Variants in GPER1 observed in about 807,000 individuals in gnomAD.
GPER1 encodes the protein G protein-coupled receptor 30.
In GPER1, 2 loss-of-function variants were observed where a neutral mutation model predicts 0.6. The observed-to-expected ratio is 3.41, with a 90% CI of 1.39 to 10.72. The LOEUF is 10.72. GPER1 is among the 30% of genes most tolerant of loss of function. The pLI is 0.04. For missense variants in GPER1, 441 were observed against 535.2 expected, an observed-to-expected ratio of 0.82 and a Z score of 1.74; for synonymous variants, 263 against 247.6, an observed-to-expected ratio of 1.06 and a Z score of -0.58.
Position 1,091,634 on chromosome 7 carries a change from G to A in GPER1, c.-95G>A. On this transcript the variant is annotated 5_prime_UTR_variant, in exon 2 of 2. Coordinates refer to ENST00000397088, the MANE Select transcript of GPER1 (RefSeq NM_001098201.3). ...CTGACAAATGCCAGGCTCACTTCAA[G>A]GAGAATCACGCTTCTTTCTAAAGAT... 1.0e-6 allele frequency: 1 copy of A among 970,430 alleles called. No homozygotes were observed. The allele number at this position is 970,430 out of a possible 1,614,324, so 60.1% of individuals were successfully genotyped here.
At position 1,092,468 on chromosome 7, in the gene GPER1, ACCG is replaced by A. The variant is rs1788099447; in HGVS notation, c.741_743del (p.Arg248del). 16 of 1,608,026 alleles carry A rather than the reference ACCG, an allele frequency of 1.0e-5. No homozygotes were observed. Among genetic ancestry groups the A allele is most frequent in the Non-Finnish European group, 1.4e-5 (16 of 1,179,522 alleles). On this transcript the variant is annotated inframe_deletion, in exon 2 of 2. Coordinates refer to ENST00000397088, the MANE Select transcript of GPER1 (RefSeq NM_001098201.3). ...CGGGTGCTGGTCAGGGCGCACCGGC[ACCG>A]TGGGCTGCGGCCCCGGCGGCAGAAG...
Position 1,092,373 on chromosome 7 carries a change from G to C in GPER1, c.645G>C (p.Gln215His). ...GTTTCGCGGATGTCCGGGAGGTGCA[G>C]TGGCTCGAGGTCACGCTGGGCTTCA... is the stretch of plus-strand genomic sequence containing the variant. Reference protein sequence around the residue: ...CFCFADVREVQWLEVTLGFIV... With the variant: ...CFCFADVREVHWLEVTLGFIV... The change falls in exon 2 of 2, where the codon CAG becomes CAC. Residue 215 changes from glutamine (Q) to histidine (H), a missense_variant. Physicochemically the swap from Gln to His is conservative, Grantham distance 24. Transcript: ENST00000397088. 2.5e-6 allele frequency: 4 copies of C among 1,582,228 alleles called. No homozygotes were observed. Among genetic ancestry groups the C allele is most frequent in the Non-Finnish European group, 3.4e-6 (4 of 1,167,088 alleles).
Position 1,092,765 on chromosome 7 carries a change from C to T in GPER1, c.1037C>T (p.Pro346Leu), listed in dbSNP as rs749990132. The change falls in exon 2 of 2, where the codon CCG (proline) becomes CTG (leucine). Residue 346 changes from proline to leucine, a missense_variant. Coordinates refer to ENST00000397088, the MANE Select transcript of GPER1 (RefSeq NM_001098201.3). ...TACATTGAGCAGAAAACAAATTTGC[C>T]GGCCCTGAACCGCTTCTGTCACGCT... is the stretch of plus-strand genomic sequence containing the variant. ...RLYIEQKTNL[P>L]ALNRFCHAAL... 5.6e-6 allele frequency: 9 copies of T among 1,613,650 alleles called. No homozygotes were observed. Among genetic ancestry groups the T allele is most frequent in the East Asian group, 2.2e-5 (1 of 44,872 alleles).
In GPER1 at chr7:1,090,662, C is replaced by T. The variant is rs535152670; in HGVS notation, c.-322-745C>T. On this transcript the variant is annotated intron_variant, in intron 1 of 1. Transcript: ENST00000397088. ...CTCCCCACTGGCGGCAGAGCCCGGG[C>T]ACCGCCGTGGGCGGACAGCCCACTT... 2.0e-5 allele frequency among the ~76,000 whole-genome samples: 3 copies of T among 152,358 alleles called. No homozygotes were observed. In the South Asian group the frequency reaches 6.2e-4, roughly 32 times the overall value.
Position 1,088,983 on chromosome 7 carries a change from T to A in GPER1, c.-323+662T>A, listed in dbSNP as rs1282738099. Reference sequence around the variant, plus strand: ...GGGAAAGAAATGAATGACTCGTTTTTAAACTATTTTTCCCTTGGAGTTCAT... The same window carrying A: ...GGGAAAGAAATGAATGACTCGTTTTAAAACTATTTTTCCCTTGGAGTTCAT... On this transcript the variant is annotated intron_variant, in intron 1 of 1. Transcript: ENST00000397088. This position sits in a 1 kb window ranked among gnomAD's most constrained non-coding sequence, Gnocchi z 4.5. 6.6e-6 allele frequency among the ~76,000 whole-genome samples: 1 copy of A among 152,184 alleles called. No homozygotes were observed. Among genetic ancestry groups the A allele is most frequent in the Non-Finnish European group, 1.5e-5 (1 of 68,036 alleles).
chr7:1,090,253 G>A (rs761519204), intron 1 of GPER1, among the ~76,000 whole-genome samples: 11 of 152,196 alleles, frequency 7.2e-5, no homozygotes, highest in Non-Finnish European at 1.3e-4. Flanking sequence ...GGAGCTGAGC[G>A]GCAGCCCTGG....
chr7:1,092,999 T>C lies in GPER1; in HGVS notation c.*143T>C, dbSNP rs1482779978. On this transcript the variant is annotated 3_prime_UTR_variant, in exon 2 of 2. Transcript: ENST00000397088. ...CCTCGGGGCCTCGCGAGGGTCACGC[T>C]TGCCTGGTCACCCTGGGGCTGCTTA... 2 of 790,790 alleles carry C rather than the reference T, an allele frequency of 2.5e-6. No homozygotes were observed. The highest frequency in any genetic ancestry group is 1.7e-5 in the African/African-American group (1 of 58,884). 49.0% of individuals were successfully genotyped at this position (790,790 alleles called of 1,614,324 possible).
At position 1,093,398 on chromosome 7, in the gene GPER1, G is replaced by A; in HGVS notation, c.*542G>A. 2.2e-6 allele frequency: 1 copy of A among 450,792 alleles called. No individual in the cohort carries two copies. Among genetic ancestry groups the A allele is most frequent in the Non-Finnish European group, 4.7e-6 (1 of 214,038 alleles). 27.9% of individuals were successfully genotyped at this position (450,792 alleles called of 1,614,324 possible). A position where few individuals can be genotyped will look rare whatever the true frequency, so the allele number is the denominator to read the frequency against. On this transcript the variant is annotated 3_prime_UTR_variant, in exon 2 of 2. Coordinates refer to ENST00000397088, the MANE Select transcript of GPER1 (RefSeq NM_001098201.3). ...GCACCGCCGAGTTAAAGAGGAGAAG[G>A]AAAACATGCTGCTCTGGTGCACGCC...
chr7:1,092,248 G>A lies in GPER1; in HGVS notation c.520G>A (p.Ala174Thr), dbSNP rs775268794. 108 of 1,612,168 alleles carry A rather than the reference G, an allele frequency of 6.7e-5. No individual in the cohort carries two copies. The highest frequency in any genetic ancestry group is 8.1e-5 in the Non-Finnish European group (95 of 1,180,026). Residue 174 changes from alanine (A) to threonine (T), a missense_variant, in exon 2 of 2, where the codon GCC (alanine) becomes ACC (threonine). By Grantham distance (58) the Ala-to-Thr change is moderately conservative. Coordinates refer to ENST00000397088, the MANE Select transcript of GPER1 (RefSeq NM_001098201.3). ...RCSLFRTKHH[A>T]RLSCGLIWMA... ...CAGCCTGTTCCGCACCAAGCACCACGCCCGGCTGAGCTGTGGCCTCATCTG... is the reference window on the plus strand; with the variant it reads ...CAGCCTGTTCCGCACCAAGCACCACACCCGGCTGAGCTGTGGCCTCATCTG...
At position 1,091,888 on chromosome 7, in the gene GPER1, C is replaced by G. The variant is rs771081864; in HGVS notation, c.160C>G (p.Gln54Glu). Reference sequence around the variant, plus strand: ...GACAGGTGAGCTCTCGGAGCACCAGCAGTACGTGATCGGCCTGTTCCTCTC... The same window carrying G: ...GACAGGTGAGCTCTCGGAGCACCAGGAGTACGTGATCGGCCTGTTCCTCTC... ...NGTGELSEHQQYVIGLFLSCL... is the reference protein window; with the variant it reads ...NGTGELSEHQEYVIGLFLSCL... Residue 54 changes from glutamine to glutamate, a missense_variant, in exon 2 of 2, where the codon CAG becomes GAG. Coordinates refer to ENST00000397088, the MANE Select transcript of GPER1 (RefSeq NM_001098201.3). 6.2e-7 allele frequency: 1 copy of G among 1,614,012 alleles called. No homozygotes were observed. Among genetic ancestry groups the G allele is most frequent in the Non-Finnish European group, 8.5e-7 (1 of 1,179,926 alleles).
intron 1 of GPER1, among the ~76,000 whole-genome samples, chr7:1,091,195 C>A (rs1406407569): frequency 1.3e-5 from 2 of 152,240 alleles, no homozygotes; most frequent in East Asian, 3.8e-4. Context: ...GCCGTGGGAC[C>A]TGCAGGAAAG....
chr7:1,092,798 A>T lies in GPER1; in HGVS notation c.1070A>T (p.Lys357Met). Residue 357 changes from lysine (K) to methionine (M), a missense_variant, in exon 2 of 2, where the codon AAG (lysine) becomes ATG (methionine). Coordinates refer to ENST00000397088, the MANE Select transcript of GPER1 (RefSeq NM_001098201.3). The part of the protein sequence containing the change: ...ALNRFCHAAL[K>M]AVIPDSTEQS... ...AACCGCTTCTGTCACGCTGCCCTGAAGGCCGTCATTCCAGACAGCACCGAG... is the reference window on the plus strand; with the variant it reads ...AACCGCTTCTGTCACGCTGCCCTGATGGCCGTCATTCCAGACAGCACCGAG... 6.2e-7 allele frequency: 1 copy of T among 1,613,536 alleles called. No homozygotes were observed. The highest frequency in any genetic ancestry group is 2.2e-5 in the East Asian group (1 of 44,884).
chr7:1,089,041 G>C (rs1161679270), intron 1 of GPER1, among the ~76,000 whole-genome samples: 1 of 152,194 alleles, frequency 6.6e-6, no homozygotes, highest in Non-Finnish European at 1.5e-5. Flanking sequence ...TAAACGTTAA[G>C]TTGAGGGTTC....
rs527992446 is a variant in GPER1 at position 1,091,478 on chromosome 7, C to T, written c.-251C>T. 926 of 476,268 alleles carry T rather than the reference C, an allele frequency of 1.9e-3. 8 individuals are homozygous for T. The highest frequency in any genetic ancestry group is 5.6e-4 in the Non-Finnish European group (151 of 269,852). The allele number at this position is 476,268 out of a possible 1,614,324, so 29.5% of individuals were successfully genotyped here. ...GACACCCGCAGGGACGCCCGCCGGA[C>T]GAGCACGCGGAGGGCCCTCGCCTCC... On this transcript the variant is annotated 5_prime_UTR_variant, in exon 2 of 2. In the 5' UTR this introduces an upstream ATG that the reference lacks. Coordinates refer to ENST00000397088, the MANE Select transcript of GPER1 (RefSeq NM_001098201.3).
intron 1 of GPER1, among the ~76,000 whole-genome samples, chr7:1,090,614 G>A (rs1174954800): frequency 1.3e-5 from 2 of 151,514 alleles, no homozygotes; most frequent in East Asian, 3.9e-4. Context: ...GAGCCAGGGT[G>A]ACACGGGGTG....
At position 1,092,910 on chromosome 7, in the gene GPER1, C is replaced by G; in HGVS notation, c.*54C>G. On this transcript the variant is annotated 3_prime_UTR_variant, in exon 2 of 2. Coordinates refer to ENST00000397088, the MANE Select transcript of GPER1 (RefSeq NM_001098201.3). ...GGTGTGACTCGGGAGCTGCACACAC[C>G]TGGGTGGACACAAGGCACGGCCACG... 1 of 1,522,152 alleles carries G rather than the reference C, an allele frequency of 6.6e-7. No individual in the cohort carries two copies. The highest frequency in any genetic ancestry group is 9.1e-7 in the Non-Finnish European group (1 of 1,103,934). The allele number at this position is 1,522,152 out of a possible 1,614,324, so 94.3% of individuals were successfully genotyped here. A position where few individuals can be genotyped will look rare whatever the true frequency, so the allele number is the denominator to read the frequency against.
Position 1,088,213 on chromosome 7 carries a change from C to T in GPER1, c.-431C>T, listed in dbSNP as rs932555833. 1 of 152,388 alleles carries T rather than the reference C, an allele frequency of 6.6e-6. No individual in the cohort carries two copies. The highest frequency in any genetic ancestry group is 1.5e-5 in the Non-Finnish European group (1 of 68,060). The allele number at this position is 152,388 out of a possible 1,614,324, so 9.4% of individuals were successfully genotyped here. On this transcript the variant is annotated 5_prime_UTR_variant, in exon 1 of 2. Transcript: ENST00000397088. This position sits in a 1 kb window ranked among gnomAD's most constrained non-coding sequence, Gnocchi z 4.5. ...CTCTCTCTAGCCCTGCTCAGGCATT[C>T]GGCAGGTCCAGCAGAGGTACACCTC... is the stretch of plus-strand genomic sequence containing the variant.
rs1360615093 is a variant in GPER1, at chr7:1,093,256, G to A, written c.*400G>A. 2.2e-6 allele frequency: 1 copy of A among 460,808 alleles called. No homozygotes were observed. 28.5% of individuals were successfully genotyped at this position (460,808 alleles called of 1,614,324 possible). A position where few individuals can be genotyped will look rare whatever the true frequency, so the allele number is the denominator to read the frequency against. On this transcript the variant is annotated 3_prime_UTR_variant, in exon 2 of 2. Coordinates refer to ENST00000397088, the MANE Select transcript of GPER1 (RefSeq NM_001098201.3). The stretch of plus-strand genomic sequence containing the variant: ...TGGGTGAAGCGCCTCAGTTACACAG[G>A]AACCCTAAAGCAAATCTGCCACCGT...
intron 1 of GPER1, among the ~76,000 whole-genome samples, chr7:1,089,991 G>C (rs956599956): frequency 2.6e-5 from 4 of 151,808 alleles, no homozygotes; most frequent in Non-Finnish European, 4.4e-5. Flanking sequence ...GGCTGAGGCA[G>C]GAGAACCACT....
Sources: gnomAD v4.1 joint callset for allele counts (sites outside exome capture counted in the v4.1 genomes callset) on GRCh38, gnomAD v4.1.1 for gene constraint, Gnocchi (gnomAD v3.1) non-coding constraint, MANE v1.5 for transcripts, NCBI Gene and HGNC (gene_info 2026-07-23, HGNC 2026-07-21) for gene names.